The following RBM34 variants were observed in gnomAD, a reference collection of about 807,000 sequenced individuals.
RBM34 encodes the protein RNA-binding protein 34.
Under a neutral mutation model 44.6 loss-of-function variants are expected in RBM34, and 39 were observed. That is an observed-to-expected ratio of 0.87 (90% CI 0.68 to 1.14). The LOEUF is 1.14. Among genes scored for constraint, RBM34 ranks in the 50% most tolerant of loss-of-function variants. The pLI is 0.00. For missense variants in RBM34, 572 were observed against 517.9 expected, an observed-to-expected ratio of 1.10 and a Z score of -1.01; for synonymous variants, 194 against 184.0, an observed-to-expected ratio of 1.05 and a Z score of -0.44.
At chr1:235,146,082 A>T (rs1024142743) in intron 6 of RBM34, among the ~76,000 whole-genome samples, 2 of 137,640 alleles carry the variant, frequency 1.5e-5, no homozygotes. Context: ...CCTTCGTCTG[A>T]TTCCCAAGCA....
At chr1:235,160,444 T>C (rs756587106) in intron 3 of RBM34, 67 bp downstream of exon 3, 26 of 1,513,446 alleles carry the variant, frequency 1.7e-5, no homozygotes, top group Non-Finnish European at 2.3e-5. Flanking sequence ...CTGACGAATA[T>C]TCCAAGTATA....
At chr1:235,133,017 A>C (rs1231990771) in intron 10 of RBM34, among the ~76,000 whole-genome samples, 1 of 152,190 alleles carries the variant, frequency 6.6e-6, no homozygotes, top group African/African-American at 2.4e-5. Context: ...GATCTATCTT[A>C]AGTAATCTAC....
chr1:235,141,140 G>C (rs1400374884), intron 6 of RBM34, among the ~76,000 whole-genome samples: 1 of 151,220 alleles, frequency 6.6e-6, no homozygotes, highest in African/African-American at 2.4e-5. Context: ...ACACCAATCG[G>C]CACCCTGTGT....
intron 4 of RBM34, 39 bp downstream of exon 4, chr1:235,154,842 T>C: frequency 6.6e-7 from 1 of 1,504,630 alleles, no homozygotes; most frequent in Non-Finnish European, 9.2e-7. Context: ...AAGAACAAAG[T>C]TATTAACTTC....
chr1:235,156,194 G>C (rs1662435798), intron 3 of RBM34, among the ~76,000 whole-genome samples: 1 of 151,490 alleles, frequency 6.6e-6, no homozygotes, highest in Non-Finnish European at 1.5e-5. Context: ...TGTAGAGACA[G>C]GGTTTTGCTA....
intron 6 of RBM34, among the ~76,000 whole-genome samples, chr1:235,141,392 T>A (rs966495611): frequency 6.6e-6 from 1 of 152,208 alleles, no homozygotes; most frequent in Non-Finnish European, 1.5e-5. Context: ...TTTGTGTCGA[T>A]ACTCTGTATC....
intron 3 of RBM34, 59 bp downstream of exon 3, chr1:235,160,452 A>G: frequency 6.6e-7 from 1 of 1,516,434 alleles, no homozygotes; most frequent in East Asian, 2.3e-5. Flanking sequence ...TATTCCAAGT[A>G]TAGGAATGTT....
chr1:235,132,710 G>A (rs1661267948), intron 10 of RBM34, among the ~76,000 whole-genome samples: 1 of 152,194 alleles, frequency 6.6e-6, no homozygotes, highest in African/African-American at 2.4e-5. Context: ...GCTCCATTAC[G>A]AGATGTTGGA....
intron 6 of RBM34, among the ~76,000 whole-genome samples, chr1:235,138,998 G>A (rs1256955883): frequency 6.6e-6 from 1 of 152,142 alleles, no homozygotes; most frequent in Non-Finnish European, 1.5e-5. Flanking sequence ...CCTTTGTCGC[G>A]ACTGCTGGTG....
intron 6 of RBM34, among the ~76,000 whole-genome samples, chr1:235,140,736 G>A (rs368536237): frequency 6.6e-6 from 1 of 152,248 alleles, no homozygotes; most frequent in African/African-American, 2.4e-5. Flanking sequence ...AGGATCCACT[G>A]GGTGAAGCCA....
rs1443071322 is a variant in RBM34 at position 235,138,183 on chromosome 1, A to C, written c.702-9T>G. On this transcript the variant is annotated splice_polypyrimidine_tract_variant and intron_variant, in intron 6 of 10. Coordinates refer to ENST00000408888, the MANE Select transcript of RBM34 (RefSeq NM_015014.4). ...CAGGATGAATTTTACGTCTACACCA[A>C]AAAAAAAAAAAGAAAGAAAGAAAAG... 1 of 550,018 alleles carries C rather than the reference A, an allele frequency of 1.8e-6. No homozygotes were observed. The highest frequency in any genetic ancestry group is 2.5e-6 in the Non-Finnish European group (1 of 402,378). The allele number at this position is 550,018 out of a possible 1,614,324, so 34.1% of individuals were successfully genotyped here. A position where few individuals can be genotyped will look rare whatever the true frequency, so the allele number is the denominator to read the frequency against.
intron 4 of RBM34, among the ~76,000 whole-genome samples, chr1:235,153,373 T>C (rs1345999039): frequency 1.3e-5 from 2 of 152,128 alleles, no homozygotes; most frequent in African/African-American, 2.4e-5. Flanking sequence ...GATAGACTTA[T>C]AACTTCCATA....
intron 6 of RBM34, among the ~76,000 whole-genome samples, chr1:235,138,915 CA>C (rs556711747): frequency 6.8e-4 from 104 of 152,310 alleles, no homozygotes; most frequent in African/African-American, 2.3e-3. Context: ...TAGTTTAACA[CA>C]AACCTTTGTC....
chr1:235,138,214 C>G, intron 6 of RBM34, 40 bp from the exon 7 acceptor site: 1 of 1,509,854 alleles, frequency 6.6e-7, no homozygotes. Flanking sequence ...AAAAGAGAGA[C>G]AAGGTAAATT....
chr1:235,152,219 G>A (rs1389809274), intron 5 of RBM34, among the ~76,000 whole-genome samples: 1 of 151,772 alleles, frequency 6.6e-6, no homozygotes, highest in Non-Finnish European at 1.5e-5. Context: ...GGCTATAACT[G>A]GTTCAGAGTG....
intron 3 of RBM34, among the ~76,000 whole-genome samples, chr1:235,155,838 T>TATATATATATATATATATATATAC (rs1662398910): frequency 3.8e-5 from 1 of 26,454 alleles, no homozygotes; most frequent in Non-Finnish European, 7.0e-5. Flanking sequence ...TATATATATA[T>TATATATATATATATATATATATAC]ATATATATAT....
chr1:235,153,847 G>A (rs1662276726), intron 4 of RBM34, among the ~76,000 whole-genome samples: 1 of 152,182 alleles, frequency 6.6e-6, no homozygotes, highest in Non-Finnish European at 1.5e-5. Context: ...GAAGCAAAGG[G>A]CAGGTTTTGC....
chr1:235,140,597 CG>C (rs1661641704), intron 6 of RBM34, among the ~76,000 whole-genome samples: 1 of 152,056 alleles, frequency 6.6e-6, no homozygotes, highest in South Asian at 2.1e-4. Context: ...GGCTCCTGTG[CG>C]GCCCGAGCCT....
intron 3 of RBM34, chr1:235,160,189 T>G (rs1572173709): frequency 2.2e-6 from 1 of 457,810 alleles, no homozygotes. Flanking sequence ...GAAGCGGAGG[T>G]TGCAGTGAGC....
Sources: allele counts gnomAD v4.1 joint callset (sites outside exome capture counted in the v4.1 genomes callset), GRCh38; gene constraint gnomAD v4.1.1; transcripts MANE v1.5; gene names NCBI Gene and HGNC (gene_info 2026-07-23, HGNC 2026-07-21).